ARHGEF4: variants seen among roughly 807,000 people sequenced by gnomAD.
ARHGEF4 encodes Rho guanine nucleotide exchange factor 4, also known as APC-stimulated guanine nucleotide exchange factor 1.
ARHGEF4 carries 119 observed loss-of-function variants against 162.0 expected under a neutral mutation model. The ratio of observed to expected loss-of-function variants is 0.73; its 90% CI spans 0.63 to 0.86. ARHGEF4 has a LOEUF of 0.86. ARHGEF4 is among the 40% of genes least tolerant of loss of function. ARHGEF4 has a pLI of 0.00. For synonymous variants in ARHGEF4, 1,014 were observed against 979.9 expected (o/e 1.03, Z -0.65); for missense variants, 2,488 against 2,456.0 (o/e 1.01, Z -0.28).
chr2:130,891,291 A>G (rs1271849391), intron 1 of ARHGEF4, among the ~76,000 whole-genome samples: 1 of 152,220 alleles, frequency 6.6e-6, no homozygotes, highest in African/African-American at 2.4e-5. Flanking sequence ...CATGTATATT[A>G]ATAATTAATA....
intron 4 of ARHGEF4, chr2:130,964,358 C>A: frequency 1.6e-6 from 1 of 609,828 alleles, no homozygotes; most frequent in Non-Finnish European, 2.1e-6. Context: ...CACTTTCTGC[C>A]TGTCGTTTCC....
intron 3 of ARHGEF4, among the ~76,000 whole-genome samples, chr2:130,939,337 G>A (rs990671575): frequency 6.6e-6 from 1 of 151,962 alleles, no homozygotes; most frequent in African/African-American, 2.4e-5. Flanking sequence ...TGGACCACTT[G>A]TTGAAAAGAG....
chr2:130,916,876 A>C lies in ARHGEF4; in HGVS notation c.2930A>C (p.Glu977Ala). 6.4e-7 allele frequency: 1 copy of C among 1,550,392 alleles called. No individual in the cohort carries two copies. The highest frequency in any genetic ancestry group is 2.4e-5 in the East Asian group (1 of 40,878). ...PTLVSLPLGP[E>A]VLSPAETDSH... Reference sequence around the variant, plus strand: ...CTAGTGAGTCTGCCTCTAGGACCCGAAGTTCTCTCCCCAGCAGAGACCGAC... The same window carrying C: ...CTAGTGAGTCTGCCTCTAGGACCCGCAGTTCTCTCCCCAGCAGAGACCGAC... Residue 977 changes from glutamate (E) to alanine (A), a missense_variant, in exon 2 of 14, where the codon GAA (glutamate) becomes GCA (alanine). Physicochemically the swap from Glu to Ala is moderately radical, Grantham distance 107. Coordinates refer to ENST00000409359, the MANE Select transcript of ARHGEF4 (RefSeq NM_001367493.1).
chr2:130,977,239 G>T (rs1166366510), intron 4 of ARHGEF4, among the ~76,000 whole-genome samples: 1 of 151,668 alleles, frequency 6.6e-6, no homozygotes, highest in African/African-American at 2.4e-5. Flanking sequence ...TGTGTGTGGT[G>T]TATGCTGTGC....
intron 1 of ARHGEF4, among the ~76,000 whole-genome samples, chr2:130,867,299 T>C (rs2104920920): frequency 6.6e-6 from 1 of 151,854 alleles, no homozygotes; most frequent in East Asian, 1.9e-4. Context: ...AGTGCAGTGG[T>C]GCGATCTCGG....
intron 1 of ARHGEF4, among the ~76,000 whole-genome samples, chr2:130,897,095 C>A (rs997813156): frequency 6.6e-6 from 1 of 152,196 alleles, no homozygotes; most frequent in Non-Finnish European, 1.5e-5. Context: ...AGTTCCTGGT[C>A]CCCTAATGCT....
At chr2:130,911,122 C>T (rs371493354) in intron 1 of ARHGEF4, among the ~76,000 whole-genome samples, 98 of 152,238 alleles carry the variant, frequency 6.4e-4, no homozygotes, top group African/African-American at 2.3e-3. Context: ...GGCAGGGAAG[C>T]GGTGAGGTCA....
intron 1 of ARHGEF4, among the ~76,000 whole-genome samples, chr2:130,845,086 T>C (rs1366142686): frequency 3.3e-5 from 5 of 151,612 alleles, no homozygotes. Context: ...CCTCCCAAAG[T>C]GCTGGGATTA....
rs1691159327 is a variant in ARHGEF4 at position 131,045,388 on chromosome 2, G to A, written c.5421G>A (p.Leu1807=). The A allele has an allele frequency of 1.2e-6, 2 of 1,613,370 alleles. No homozygotes were observed. The highest frequency in any genetic ancestry group is 8.5e-7 in the Non-Finnish European group (1 of 1,179,938). ...DQETGFSITE[L]QRKQAMLNAS... Reference sequence around the variant, plus strand: ...CCTCAGGCTTCTCCATCACTGAACTGCAGAGGAAGCAGGCCATGCTGAATG... The same window carrying A: ...CCTCAGGCTTCTCCATCACTGAACTACAGAGGAAGCAGGCCATGCTGAATG... Residue 1807 remains leucine, a synonymous_variant, in exon 13 of 14, where the codon CTG becomes CTA. Coordinates refer to ENST00000409359, the MANE Select transcript of ARHGEF4 (RefSeq NM_001367493.1).
At chr2:130,947,047 AT>A (rs1345822253) in intron 4 of ARHGEF4, 3 of 163,294 alleles carry the variant, frequency 1.8e-5, no homozygotes, top group Non-Finnish European at 2.7e-5. Flanking sequence ...CCTGACCAGC[AT>A]GGAGAAACCC....
chr2:130,970,028 A>G (rs1464478094), intron 4 of ARHGEF4, among the ~76,000 whole-genome samples: 4 of 152,282 alleles, frequency 2.6e-5, no homozygotes, highest in Admixed American at 6.5e-5. Context: ...CAGTTTGTCA[A>G]CCATTCACTA....
At chr2:130,918,605 C>T (rs1681675498) in intron 2 of ARHGEF4, among the ~76,000 whole-genome samples, 2 of 152,290 alleles carry the variant, frequency 1.3e-5, no homozygotes, top group African/African-American at 4.8e-5. Context: ...TCACGGGCTG[C>T]GCAGCTGGGA....
intron 1 of ARHGEF4, among the ~76,000 whole-genome samples, chr2:130,890,146 G>A (rs1296861604): frequency 1.3e-5 from 2 of 152,186 alleles, no homozygotes; most frequent in East Asian, 3.9e-4. Flanking sequence ...AAAATTGTCA[G>A]CCATTAATTC....
At chr2:130,943,604 T>C (rs1219920204) in intron 3 of ARHGEF4, among the ~76,000 whole-genome samples, 1 of 152,098 alleles carries the variant, frequency 6.6e-6, no homozygotes, top group African/African-American at 2.4e-5. Context: ...TTTGTATAGG[T>C]TTTTTTAGTA....
At chr2:130,863,056 C>A (rs1449542063) in intron 1 of ARHGEF4, among the ~76,000 whole-genome samples, 2 of 14,598 alleles carry the variant, frequency 1.4e-4, no homozygotes, top group Non-Finnish European at 9.7e-5. Context: ...AAGACTCCAA[C>A]TCAAAAAAAA....
rs370687947 is a variant in ARHGEF4 at position 131,011,087 on chromosome 2, T to C, written c.3986-16858T>C. Among the ~76,000 whole-genome samples the C allele has an allele frequency of 3.3e-5, 5 of 152,336 alleles. No individual in the cohort carries two copies. The East Asian group carries it at 7.7e-4, about 24-fold the overall frequency. On this transcript the variant is annotated intron_variant, in intron 4 of 13. Coordinates refer to ENST00000409359, the MANE Select transcript of ARHGEF4 (RefSeq NM_001367493.1). ...TTTTCTCTCTGAGCTGGTAAAGCCT[T>C]TCCACACTGCAGAATTTCTCTTATG...
chr2:130,967,929 C>T (rs1685105007), intron 4 of ARHGEF4, among the ~76,000 whole-genome samples: 1 of 152,216 alleles, frequency 6.6e-6, no homozygotes, highest in Non-Finnish European at 1.5e-5. Flanking sequence ...TTCAGTCACT[C>T]TGCCTCAATA....
intron 4 of ARHGEF4, among the ~76,000 whole-genome samples, chr2:130,958,936 T>G (rs889041815): frequency 6.6e-6 from 1 of 151,304 alleles, no homozygotes; most frequent in African/African-American, 2.4e-5. Context: ...TAGATACATT[T>G]CTTTTCTTTC....
At chr2:130,973,060 A>C (rs1012272440) in intron 4 of ARHGEF4, among the ~76,000 whole-genome samples, 2 of 152,270 alleles carry the variant, frequency 1.3e-5, no homozygotes, top group East Asian at 3.8e-4. Flanking sequence ...AGATTCAGTA[A>C]GTCTAGAGCA....
Sources: allele counts gnomAD v4.1 joint callset (sites outside exome capture counted in the v4.1 genomes callset), GRCh38; gene constraint gnomAD v4.1.1; transcripts MANE v1.5; gene names NCBI Gene and HGNC (gene_info 2026-07-23, HGNC 2026-07-21).